RNF17: variants seen among roughly 807,000 people sequenced by gnomAD.
RNF17 encodes the protein spermatogenesis associated 23.
Under a neutral mutation model 200.5 loss-of-function variants are expected in RNF17, and 31 were observed. The observed-to-expected ratio is 0.15, with a 90% CI of 0.12 to 0.21. RNF17 has a LOEUF of 0.21. Ranked by LOEUF, RNF17 falls within the 10% of genes least tolerant of loss-of-function variation. RNF17 has a pLI of 1.00. For missense variants in RNF17, 1,628 were observed against 1,905.1 expected, an observed-to-expected ratio of 0.85 and a Z score of 2.71; for synonymous variants, 606 against 637.8, an observed-to-expected ratio of 0.95 and a Z score of 0.75.
intron 20 of RNF17, among the ~76,000 whole-genome samples, chr13:24,844,416 G>A (rs374544041): frequency 3.3e-5 from 5 of 152,070 alleles, no homozygotes; most frequent in African/African-American, 7.2e-5. Flanking sequence ...TTTGAAACAG[G>A]CCCCAAAGAA....
chr13:24,865,766 GGTT>G (rs1893550830), intron 29 of RNF17, among the ~76,000 whole-genome samples: 2 of 152,090 alleles, frequency 1.3e-5, no homozygotes, highest in Admixed American at 1.3e-4. Context: ...GCAGAGGTGT[GGTT>G]GTTGTGGGTG....
At chr13:24,826,135 C>T in intron 16 of RNF17, 1 of 964,058 alleles carries the variant, frequency 1.0e-6, no homozygotes, top group Non-Finnish European at 1.2e-6. Context: ...GTCCTCTCTG[C>T]TTCCCTTCAA....
intron 34 of RNF17, among the ~76,000 whole-genome samples, chr13:24,878,242 G>C (rs1180619788): frequency 1.3e-5 from 2 of 152,198 alleles, no homozygotes; most frequent in East Asian, 3.8e-4. Flanking sequence ...GAAAACCTGT[G>C]TATATATGCT....
Position 24,820,636 on chromosome 13 carries a change from A to G in RNF17, c.2092-4983A>G, listed in dbSNP as rs546118110. 3.8e-3 allele frequency among the ~76,000 whole-genome samples: 584 copies of G among 151,878 alleles called. 2 individuals are homozygous for G. Among genetic ancestry groups the G allele is most frequent in the Middle Eastern group, 0.021 (6 of 288 alleles). Reference sequence around the variant, plus strand: ...TTTTTAGTAGAGATAGCTTTTGGCTATGTTGGCCAGGCTGATCTCAAGCTC... The same window carrying G: ...TTTTTAGTAGAGATAGCTTTTGGCTGTGTTGGCCAGGCTGATCTCAAGCTC... On this transcript the variant is annotated intron_variant, in intron 15 of 35. Coordinates refer to ENST00000255324, the MANE Select transcript of RNF17 (RefSeq NM_031277.3).
rs988421390 is a variant in RNF17, at chr13:24,812,974, G to A, written c.2091+8545G>A. On this transcript the variant is annotated intron_variant, in intron 15 of 35. Coordinates refer to ENST00000255324, the MANE Select transcript of RNF17 (RefSeq NM_031277.3). ...TGGGATTACAGGCGTGAGCCACCGCGCCCGGCCAATAGCATTCTTAATAAG... is the reference window on the plus strand; with the variant it reads ...TGGGATTACAGGCGTGAGCCACCGCACCCGGCCAATAGCATTCTTAATAAG... 4.6e-5 allele frequency among the ~76,000 whole-genome samples: 7 copies of A among 151,918 alleles called. No homozygotes were observed. In the East Asian group the frequency reaches 7.7e-4, roughly 17 times the overall value.
chr13:24,884,019 A>AAAT (rs1256022640), downstream of RNF17: 16 of 1,613,940 alleles, frequency 9.9e-6, no homozygotes, highest in East Asian at 2.2e-5. Flanking sequence ...GTCCATCAGG[A>AAAT]AATAAGTTTT....
chr13:24,812,756 A>G (rs893583467), intron 15 of RNF17, among the ~76,000 whole-genome samples: 2 of 139,898 alleles, frequency 1.4e-5, no homozygotes, highest in African/African-American at 5.4e-5. Context: ...ATCTTGGCTC[A>G]CTGCAAGCTC....
At chr13:24,875,517 A>G (rs1894769570) in intron 33 of RNF17, among the ~76,000 whole-genome samples, 1 of 152,228 alleles carries the variant, frequency 6.6e-6, no homozygotes, top group African/African-American at 2.4e-5. Context: ...TTCAGCTTAT[A>G]CAATGCTGAC....
downstream of RNF17, chr13:24,884,598 TGAG>T (rs1953957681): frequency 1.2e-6 from 1 of 844,298 alleles, no homozygotes; most frequent in East Asian, 2.6e-5. Flanking sequence ...CTTTATTTCG[TGAG>T]GAGTAGCAAA....
intron 25 of RNF17, among the ~76,000 whole-genome samples, chr13:24,856,621 T>TC: frequency 6.6e-6 from 1 of 152,184 alleles, no homozygotes; most frequent in Non-Finnish European, 1.5e-5. Context: ...CGGCTTATAC[T>TC]CCACACATTC....
chr13:24,873,647 T>C (rs1894535643), intron 32 of RNF17, among the ~76,000 whole-genome samples: 1 of 152,194 alleles, frequency 6.6e-6, no homozygotes, highest in African/African-American at 2.4e-5. Flanking sequence ...TTAGAACTTA[T>C]TCCTTCCAAC....
the RNF17 span, among the ~76,000 whole-genome samples, chr13:24,759,091 A>C: frequency 6.6e-6 from 1 of 151,372 alleles, no homozygotes; most frequent in South Asian, 2.1e-4. Context: ...AAAAAAAAAA[A>C]AAAAAAAAAA....
chr13:24,781,967 C>G (rs1210307648), intron 6 of RNF17, 23 bp downstream of exon 6: 1 of 1,384,842 alleles, frequency 7.2e-7, no homozygotes, highest in South Asian at 1.2e-5. Context: ...AAAATATGGA[C>G]TCAATGAAAC....
At chr13:24,820,741 T>C (rs1887965500) in intron 15 of RNF17, among the ~76,000 whole-genome samples, 1 of 152,160 alleles carries the variant, frequency 6.6e-6, no homozygotes, top group African/African-American at 2.4e-5. Flanking sequence ...CAGCCTGGCC[T>C]CCAAGATTTC....
chr13:24,862,372 A>G (rs1054878543), intron 27 of RNF17, among the ~76,000 whole-genome samples: 5 of 152,226 alleles, frequency 3.3e-5, no homozygotes, highest in African/African-American at 1.2e-4. Context: ...TAATGAATAC[A>G]TATTGTAGGC....
chr13:24,868,821 G>A, intron 31 of RNF17, 105 bp downstream of exon 31: 1 of 711,892 alleles, frequency 1.4e-6, no homozygotes, highest in Non-Finnish European at 2.5e-6. Context: ...GATTTCAAAT[G>A]TTGCAAATTC....
chr13:24,864,959 A>G lies in RNF17; in HGVS notation c.4062A>G (p.Lys1354=), dbSNP rs757944987. 2.0e-5 allele frequency: 31 copies of G among 1,568,612 alleles called. No homozygotes were observed. Among genetic ancestry groups the G allele is most frequent in the Non-Finnish European group, 2.6e-5 (30 of 1,153,516 alleles). The stretch of plus-strand genomic sequence containing the variant: ...TTTCTTATTTTATGGCATACTATAA[A>G]TACTGTACTTCTGAACATACTGAGG... The part of the protein sequence containing the change: ...MSLSYFMAYY[K]YCTSEHTEEM... The change falls in exon 29 of 36, where the codon AAA becomes AAG. Residue 1354 remains lysine, a synonymous_variant. Transcript: ENST00000255324.
chr13:24,865,035 A>G (rs774599087), intron 29 of RNF17, 37 bp downstream of exon 29: 5 of 1,446,784 alleles, frequency 3.5e-6, no homozygotes, highest in South Asian at 1.2e-5. Context: ...TCTAAAGTGT[A>G]GAAAAGTCTA....
At chr13:24,789,804 T>TATA in intron 9 of RNF17, 32 bp downstream of exon 9, 1 of 1,188,934 alleles carries the variant, frequency 8.4e-7, no homozygotes, top group Non-Finnish European at 1.3e-6. Context: ...AACATGCCAT[T>TATA]AGTGTCTGAC....
Sources: gnomAD v4.1 joint callset for allele counts (sites outside exome capture counted in the v4.1 genomes callset) on GRCh38, gnomAD v4.1.1 for gene constraint, MANE v1.5 for transcripts, NCBI Gene and HGNC (gene_info 2026-07-23, HGNC 2026-07-21) for gene names.